SORCS2: variants seen among roughly 807,000 people sequenced by gnomAD.
SORCS2 encodes VPS10 domain-containing receptor SorCS2.
Under a neutral mutation model 141.6 loss-of-function variants are expected in SORCS2, and 100 were observed. That is an observed-to-expected ratio of 0.71 (90% confidence interval 0.60 to 0.83). SORCS2 has a LOEUF of 0.83. Among genes scored for constraint, SORCS2 ranks in the 40% least tolerant of loss-of-function variants. SORCS2 has a pLI of 0.00. For missense variants in SORCS2, 1,646 were observed against 1,560.2 expected (o/e 1.05, Z -0.93); for synonymous variants, 789 against 676.9 (o/e 1.17, Z -2.57).
intron 3 of SORCS2, among the ~76,000 whole-genome samples, chr4:7,544,016 C>CCGTCCGTCCATCCATCCACT (rs1713041085): frequency 7.0e-6 from 1 of 141,896 alleles, no homozygotes; most frequent in Non-Finnish European, 1.5e-5. Context: ...ATCCATCCAC[C>CCGTCCGTCCATCCATCCACT]CATCCATCCA....
chr4:7,336,774 T>C lies in SORCS2; in HGVS notation c.481-59514T>C, dbSNP rs3907645. Among the ~76,000 whole-genome samples the C allele has an allele frequency of 9.4e-5, 4 of 42,598 alleles. 2 individuals carry two copies. The highest frequency in any genetic ancestry group is 2.1e-4 in the Non-Finnish European group (4 of 18,864). The allele number at this position is 42,598 out of a possible 152,430, so 27.9% of individuals were successfully genotyped here. On this transcript the variant is annotated intron_variant, in intron 1 of 26. Transcript: ENST00000507866. Reference sequence around the variant, plus strand: ...TGCCCAGACGCAATCCCTGAGCAGCTTGGGTGGCAGGCTCCAGAGGCTATT... The same window carrying C: ...TGCCCAGACGCAATCCCTGAGCAGCCTGGGTGGCAGGCTCCAGAGGCTATT...
chr4:7,484,986 A>G (rs1048785726), intron 2 of SORCS2, among the ~76,000 whole-genome samples: 2 of 127,264 alleles, frequency 1.6e-5, no homozygotes, highest in African/African-American at 2.9e-5. Flanking sequence ...GCCCTCCCCA[A>G]CATGTCAGGA....
At chr4:7,412,136 C>A (rs1419876731) in intron 2 of SORCS2, among the ~76,000 whole-genome samples, 1 of 152,198 alleles carries the variant, frequency 6.6e-6, no homozygotes, top group Non-Finnish European at 1.5e-5. Context: ...GGCCTGGGTC[C>A]CAGCTTCTGC....
At chr4:7,327,128 C>T (rs1024330137) in intron 1 of SORCS2, among the ~76,000 whole-genome samples, 1 of 152,260 alleles carries the variant, frequency 6.6e-6, no homozygotes, top group African/African-American at 2.4e-5. Flanking sequence ...GATGAGCCTC[C>T]TGCAGCTGCC....
chr4:7,717,561 GGT>G (rs921368051), intron 17 of SORCS2, among the ~76,000 whole-genome samples: 17 of 152,306 alleles, frequency 1.1e-4, no homozygotes, highest in Admixed American at 6.5e-4. Flanking sequence ...CAGGAGGAGG[GGT>G]GTGTGTGCCC....
chr4:7,619,208 C>T (rs1471674829), intron 3 of SORCS2, among the ~76,000 whole-genome samples: 1 of 152,190 alleles, frequency 6.6e-6, no homozygotes, highest in African/African-American at 2.4e-5. Context: ...ATAGAGGCTA[C>T]CCAATACTTA....
chr4:7,690,411 G>A (rs1289443383), intron 11 of SORCS2, among the ~76,000 whole-genome samples: 1 of 149,610 alleles, frequency 6.7e-6, no homozygotes, highest in Non-Finnish European at 1.5e-5. Context: ...TTGATGGATG[G>A]ATGATGGTGG....
intron 2 of SORCS2, among the ~76,000 whole-genome samples, chr4:7,427,690 G>A (rs77226865): frequency 0.17 from 25,675 of 152,008 alleles, 2,408 homozygotes; most frequent in African/African-American, 0.24. Flanking sequence ...GTCATGATGG[G>A]AGGGAAGGAG....
chr4:7,208,537 C>A (rs1177333135), intron 1 of SORCS2, among the ~76,000 whole-genome samples: 1 of 152,200 alleles, frequency 6.6e-6, no homozygotes, highest in Non-Finnish European at 1.5e-5. Flanking sequence ...TTGTACACCC[C>A]GGCAGCCGCA....
At chr4:7,572,029 G>A (rs1032608663) in intron 3 of SORCS2, among the ~76,000 whole-genome samples, 7 of 152,142 alleles carry the variant, frequency 4.6e-5, no homozygotes, top group African/African-American at 4.8e-5. Context: ...TTGCCCCTAC[G>A]TATGTCTGGG....
rs544478272 is a variant in SORCS2 at position 7,240,959 on chromosome 4, A to G, written c.480+47833A>G. Among the ~76,000 whole-genome samples the G allele has an allele frequency of 5.0e-4, 76 of 152,296 alleles. No homozygotes were observed. In the East Asian group the frequency reaches 0.014, roughly 28 times the overall value. On this transcript the variant is annotated intron_variant, in intron 1 of 26. Coordinates refer to ENST00000507866, the MANE Select transcript of SORCS2 (RefSeq NM_020777.3). ...TTATTATTATTATTTTTTGAGGCAG[A>G]GTCTCATTCTTGTTGCCCAGGCTGG...
chr4:7,717,737 T>C (rs1726289673), intron 17 of SORCS2, among the ~76,000 whole-genome samples: 1 of 152,116 alleles, frequency 6.6e-6, no homozygotes, highest in Non-Finnish European at 1.5e-5. Context: ...TTACTGTGAG[T>C]AATATGATCA....
At chr4:7,486,315 C>T (rs36163202) in intron 2 of SORCS2, among the ~76,000 whole-genome samples, 1 of 148,820 alleles carries the variant, frequency 6.7e-6, no homozygotes. Flanking sequence ...GCTGTTGGAG[C>T]GCCCGCAGGC....
At chr4:7,249,283 T>G (rs1410740425) in intron 1 of SORCS2, among the ~76,000 whole-genome samples, 1 of 152,138 alleles carries the variant, frequency 6.6e-6, no homozygotes, top group African/African-American at 2.4e-5. Context: ...CTGGCTGGTG[T>G]CACTCTCTCT....
At chr4:7,492,845 C>A (rs891996494) in intron 2 of SORCS2, among the ~76,000 whole-genome samples, 2 of 152,240 alleles carry the variant, frequency 1.3e-5, no homozygotes, top group South Asian at 4.1e-4. Context: ...TTCCCGTGCA[C>A]CTGCGGAGCC....
intron 1 of SORCS2, among the ~76,000 whole-genome samples, chr4:7,332,538 A>G (rs868317659): frequency 4.0e-4 from 61 of 151,974 alleles, no homozygotes; most frequent in Admixed American, 2.8e-3. Context: ...CCTAGGCAAC[A>G]CTCTCCGGGC....
At chr4:7,612,830 G>A (rs1429641013) in intron 3 of SORCS2, among the ~76,000 whole-genome samples, 1 of 150,528 alleles carries the variant, frequency 6.6e-6, no homozygotes, top group Non-Finnish European at 1.5e-5. Flanking sequence ...ACAAAGCCTG[G>A]CCCACAGCAG....
intron 1 of SORCS2, among the ~76,000 whole-genome samples, chr4:7,332,657 G>C (rs1719725355): frequency 6.6e-6 from 1 of 152,260 alleles, no homozygotes; most frequent in Non-Finnish European, 1.5e-5. Context: ...TGGGCCACCT[G>C]TCTAGAGGCA....
intron 2 of SORCS2, among the ~76,000 whole-genome samples, chr4:7,398,106 C>T (rs1724332259): frequency 6.6e-6 from 1 of 152,112 alleles, no homozygotes; most frequent in Admixed American, 6.5e-5. Flanking sequence ...GTGTGATCTG[C>T]ACTTATACGA....
Sources: gnomAD v4.1 joint callset for allele counts (sites outside exome capture counted in the v4.1 genomes callset) on GRCh38, gnomAD v4.1.1 for gene constraint, MANE v1.5 for transcripts, NCBI Gene and HGNC (gene_info 2026-07-23, HGNC 2026-07-21) for gene names.